Variants in ZMYM2 observed in about 807,000 individuals in gnomAD.
The protein encoded by ZMYM2 is zinc finger MYM-type protein 2.
A neutral mutation model predicts 162.8 loss-of-function variants in ZMYM2; 56 were observed. The ratio of observed to expected loss-of-function variants is 0.34; its 90% CI spans 0.28 to 0.43. The LOEUF (loss-of-function observed/expected upper bound fraction) is 0.43. Among genes scored for constraint, ZMYM2 ranks in the 20% least tolerant of loss-of-function variants. The pLI, the probability that ZMYM2 is intolerant of heterozygous loss-of-function variation, is 1.00. For missense variants in ZMYM2, 1,275 were observed against 1,621.8 expected, an observed-to-expected ratio of 0.79 and a Z score of 3.67; for synonymous variants, 510 against 541.6, an observed-to-expected ratio of 0.94 and a Z score of 0.81.
At chr13:19,968,166 C>G (rs758457971) in intron 2 of ZMYM2, among the ~76,000 whole-genome samples, 2 of 152,138 alleles carry the variant, frequency 1.3e-5, no homozygotes, top group Non-Finnish European at 2.9e-5. Flanking sequence ...TGTCTTAATT[C>G]TGTAACATTT....
rs181798373 is a variant in ZMYM2 at position 20,080,954 on chromosome 13, G to A, written c.3454-1062G>A. ...AGTATGCAAATGAACCAGTATGTCT[G>A]TATTCCAAGAACACTTTATAAAAAT... On this transcript the variant is annotated intron_variant, in intron 21 of 24. Transcript: ENST00000610343. 1.6e-3 allele frequency among the ~76,000 whole-genome samples: 239 copies of A among 152,350 alleles called. 1 individual carries two copies. Among genetic ancestry groups the A allele is most frequent in the African/African-American group, 5.7e-3 (237 of 41,582 alleles).
In ZMYM2 at chr13:20,019,539, T is replaced by A; in HGVS notation, c.1513-8T>A. ...GTGTTTATAAAGTCTTTTAAAATCTTTTTTTAGGTAGGTAGCCATCCAAGC... is the reference window on the plus strand; with the variant it reads ...GTGTTTATAAAGTCTTTTAAAATCTATTTTTAGGTAGGTAGCCATCCAAGC... On this transcript the variant is annotated splice_region_variant and splice_polypyrimidine_tract_variant and intron_variant, in intron 6 of 24. Transcript: ENST00000610343. 1 of 1,570,512 alleles carries A rather than the reference T, an allele frequency of 6.4e-7. No homozygotes were observed. The highest frequency in any genetic ancestry group is 1.2e-5 in the South Asian group (1 of 85,026).
At chr13:19,885,947 A>ATGTGTGTATATGTG in the ZMYM2 span, among the ~76,000 whole-genome samples, 2 of 20,872 alleles carry the variant, frequency 9.6e-5, 1 homozygote. Context: ...ATATATATGT[A>ATGTGTGTATATGTG]TATACACATA....
At chr13:19,896,593 A>G in the ZMYM2 span, among the ~76,000 whole-genome samples, 2 of 149,040 alleles carry the variant, frequency 1.3e-5, no homozygotes, top group African/African-American at 5.0e-5. Flanking sequence ...CGTCTCTACT[A>G]AAAAATAGAA....
At chr13:20,037,977 C>G (rs751740433) in intron 12 of ZMYM2, among the ~76,000 whole-genome samples, 2 of 152,158 alleles carry the variant, frequency 1.3e-5, no homozygotes, top group Non-Finnish European at 2.9e-5. Context: ...GCCCCAGTGT[C>G]TGTTGTTCCC....
the ZMYM2 span, among the ~76,000 whole-genome samples, chr13:19,950,521 T>C: frequency 2.0e-4 from 31 of 152,214 alleles, no homozygotes; most frequent in Non-Finnish European, 4.4e-5. Context: ...TCAAACCATG[T>C]TCAAATAAGG....
chr13:19,905,006 A>ATTTTTT, the ZMYM2 span, among the ~76,000 whole-genome samples: 3 of 129,918 alleles, frequency 2.3e-5, no homozygotes, highest in Admixed American at 8.3e-5. Flanking sequence ...CTTGCTTTCA[A>ATTTTTT]TTTTTTTTTT....
At chr13:20,042,312 C>T (rs1176491902) in intron 12 of ZMYM2, among the ~76,000 whole-genome samples, 2 of 152,034 alleles carry the variant, frequency 1.3e-5, no homozygotes, top group African/African-American at 4.8e-5. Context: ...GCCAGTCTAC[C>T]AGCTCTGAGA....
the ZMYM2 span, among the ~76,000 whole-genome samples, chr13:19,909,431 GTTTT>G: frequency 2.1e-5 from 2 of 96,180 alleles, no homozygotes; most frequent in Admixed American, 1.3e-4. Context: ...TGCCTTTTTC[GTTTT>G]TTTTTTTTTT....
At chr13:20,084,990 A>G (rs568191068) in intron 24 of ZMYM2, among the ~76,000 whole-genome samples, 1 of 152,338 alleles carries the variant, frequency 6.6e-6, no homozygotes, top group South Asian at 2.1e-4. Flanking sequence ...ATTTGCATAT[A>G]CATTATAAGA....
chr13:19,919,908 C>T, the ZMYM2 span, among the ~76,000 whole-genome samples: 712 of 152,076 alleles, frequency 4.7e-3, 7 homozygotes, highest in African/African-American at 0.017. Flanking sequence ...CTCCTGACCT[C>T]GTGATCTGCC....
chr13:20,071,799 C>T (rs1473582614), intron 21 of ZMYM2: 1 of 180,860 alleles, frequency 5.5e-6, no homozygotes, highest in East Asian at 9.2e-5. Flanking sequence ...ACTTTAATTT[C>T]TCTGCCTCCA....
At chr13:19,986,497 A>G (rs1949153444) in intron 2 of ZMYM2, among the ~76,000 whole-genome samples, 2 of 152,224 alleles carry the variant, frequency 1.3e-5, no homozygotes, top group Non-Finnish European at 2.9e-5. Flanking sequence ...TTAATAAGGA[A>G]AGCTTGTTTA....
At chr13:20,025,104 AT>A in intron 7 of ZMYM2, 1 of 210,088 alleles carries the variant, frequency 4.8e-6, no homozygotes, top group South Asian at 1.9e-4. Flanking sequence ...TATTTGTGAC[AT>A]TTTTCCATGC....
At chr13:19,968,722 C>T (rs1418601927) in intron 2 of ZMYM2, among the ~76,000 whole-genome samples, 1 of 152,146 alleles carries the variant, frequency 6.6e-6, no homozygotes, top group Non-Finnish European at 1.5e-5. Context: ...TTAATTTTTC[C>T]TAAAGCTCAG....
the ZMYM2 span, among the ~76,000 whole-genome samples, chr13:19,919,544 A>G: frequency 6.6e-6 from 1 of 151,914 alleles, no homozygotes; most frequent in Non-Finnish European, 1.5e-5. Flanking sequence ...GTTCTAATGC[A>G]TGTGTATTGA....
intron 6 of ZMYM2, among the ~76,000 whole-genome samples, chr13:20,013,323 G>C (rs1951349629): frequency 6.6e-6 from 1 of 152,190 alleles, no homozygotes; most frequent in Non-Finnish European, 1.5e-5. Flanking sequence ...CAAGTTTACT[G>C]AATGTTAGCT....
chr13:19,885,884 T>TATATGTGTATATACACAC, the ZMYM2 span, among the ~76,000 whole-genome samples: 1 of 41,366 alleles, frequency 2.4e-5, no homozygotes, highest in African/African-American at 6.4e-5. Context: ...TATATACACA[T>TATATGTGTATATACACAC]ATATATGTGT....
At chr13:20,027,391 T>C in intron 9 of ZMYM2, 73 bp downstream of exon 9, 1 of 1,104,174 alleles carries the variant, frequency 9.1e-7, no homozygotes, top group Admixed American at 3.2e-5. Context: ...TAATATAATA[T>C]GCTTTATTTT....
Sources: allele counts gnomAD v4.1 joint callset (sites outside exome capture counted in the v4.1 genomes callset), GRCh38; gene constraint gnomAD v4.1.1; transcripts MANE v1.5; gene names NCBI Gene and HGNC (gene_info 2026-07-23, HGNC 2026-07-21).